Variants in DHODH observed in about 807,000 individuals in gnomAD.
DHODH encodes the protein dihydroorotate dehydrogenase (quinone), mitochondrial.
In DHODH, 30 loss-of-function variants were observed where a neutral mutation model predicts 39.7. That is an observed-to-expected ratio of 0.76 (90% CI 0.57 to 1.02). The LOEUF (loss-of-function observed/expected upper bound fraction) is 1.02, where lower values mean the gene tolerates loss of function less well. Among genes scored for constraint, DHODH ranks in the 50% least tolerant of loss-of-function variants. The pLI is 0.00. For synonymous variants in DHODH, 222 were observed against 213.8 expected, an observed-to-expected ratio of 1.04 and a Z score of -0.34; for missense variants, 531 against 520.8, an observed-to-expected ratio of 1.02 and a Z score of -0.19.
intron 7 of DHODH, 66 bp downstream of exon 7, chr16:72,023,384 A>C: frequency 6.2e-7 from 1 of 1,613,758 alleles, no homozygotes; most frequent in Non-Finnish European, 8.5e-7. Context: ...CGTGATGGGA[A>C]TCATCATTCC....
chr16:72,009,098 G>C, intron 1 of DHODH: 2 of 1,318,768 alleles, frequency 1.5e-6, no homozygotes, highest in Non-Finnish European at 1.9e-6. Flanking sequence ...TTGTGTGCCG[G>C]ATCCAACGGG....
intron 6 of DHODH, 126 bp downstream of exon 6, chr16:72,022,601 T>C (rs1369338721): frequency 1.5e-5 from 12 of 800,570 alleles, no homozygotes; most frequent in Non-Finnish European, 2.1e-6. Flanking sequence ...GCTGGTTTGG[T>C]GTGTGTCATG....
At chr16:72,021,938 C>G (rs143237381) in intron 5 of DHODH, among the ~76,000 whole-genome samples, 2 of 152,060 alleles carry the variant, frequency 1.3e-5, no homozygotes, top group Admixed American at 6.5e-5. Flanking sequence ...ACAAGAAATA[C>G]AGAAATTAGC....
chr16:72,011,419 G>C (rs1356233897), intron 1 of DHODH, among the ~76,000 whole-genome samples: 1 of 152,184 alleles, frequency 6.6e-6, no homozygotes, highest in African/African-American at 2.4e-5. Flanking sequence ...CAGGAGTACT[G>C]CTTGAGCCTA....
At chr16:72,010,516 A>G (rs1425048568) in intron 1 of DHODH, among the ~76,000 whole-genome samples, 2 of 152,158 alleles carry the variant, frequency 1.3e-5, no homozygotes, top group Admixed American at 6.5e-5. Context: ...GTCGCTTCAT[A>G]AGATCACACT....
At chr16:72,011,946 C>T (rs2041085878) in intron 1 of DHODH, 104 bp from the exon 2 acceptor site, 1 of 888,940 alleles carries the variant, frequency 1.1e-6, no homozygotes. Context: ...GCGTCTGTTT[C>T]ATGTGACCTG....
chr16:72,015,395 TAGTA>T (rs2041131594), intron 3 of DHODH, among the ~76,000 whole-genome samples: 1 of 152,222 alleles, frequency 6.6e-6, no homozygotes, highest in Non-Finnish European at 1.5e-5. Context: ...CAGCTGCTCT[TAGTA>T]AGAGAAATCC....
chr16:72,015,619 T>C lies in DHODH; in HGVS notation c.434+947T>C, dbSNP rs151118814. ...CTTGGCCGTGCTTCCTGCTTTCTTGTGCTTGTTTCAGGGAAATTCTCCAGC... is the reference window on the plus strand; with the variant it reads ...CTTGGCCGTGCTTCCTGCTTTCTTGCGCTTGTTTCAGGGAAATTCTCCAGC... On this transcript the variant is annotated intron_variant, in intron 3 of 8. Transcript: ENST00000219240. 74 of 915,728 alleles carry C rather than the reference T, an allele frequency of 8.1e-5. No individual in the cohort carries two copies. The African/African-American group carries it at 1.3e-3, about 16-fold the overall frequency. 56.7% of individuals were successfully genotyped at this position (915,728 alleles called of 1,614,324 possible).
At chr16:72,020,995 G>T in intron 4 of DHODH, 129 bp from the exon 5 acceptor site, 1 of 930,172 alleles carries the variant, frequency 1.1e-6, no homozygotes, top group Non-Finnish European at 1.6e-6. Context: ...CTGTCAGCCG[G>T]TGTCGGGCAG....
intron 4 of DHODH, among the ~76,000 whole-genome samples, chr16:72,020,770 G>C (rs923131912): frequency 2.0e-5 from 3 of 152,272 alleles, no homozygotes; most frequent in Admixed American, 1.3e-4. Context: ...GGCCTGATGT[G>C]CCTACTGAGT....
At chr16:72,014,332 T>G in intron 2 of DHODH, 141 bp from the exon 3 acceptor site, 2 of 774,710 alleles carry the variant, frequency 2.6e-6, no homozygotes, top group East Asian at 2.6e-5. Flanking sequence ...CCCCCAAAGA[T>G]TTTGACCTTG....
intron 6 of DHODH, among the ~76,000 whole-genome samples, 194 bp downstream of exon 6, chr16:72,022,669 T>C (rs1281714996): frequency 6.6e-6 from 1 of 152,242 alleles, no homozygotes; most frequent in Non-Finnish European, 1.5e-5. Flanking sequence ...AAGGAGTTTT[T>C]CTAATGCCTC....
intron 1 of DHODH, 59 bp downstream of exon 1, chr16:72,008,844 G>C: frequency 1.0e-5 from 16 of 1,551,858 alleles, no homozygotes; most frequent in South Asian, 1.2e-5. Flanking sequence ...GGGCGAGAAC[G>C]GAGAGTCAGG....
At chr16:72,014,716 G>A (rs758638400) in intron 3 of DHODH, 44 bp downstream of exon 3, 2 of 1,589,096 alleles carry the variant, frequency 1.3e-6, no homozygotes, top group Non-Finnish European at 8.6e-7. Flanking sequence ...CCTCTTTCCA[G>A]CTGGGGGCGT....
intron 3 of DHODH, 47 bp from the exon 4 acceptor site, chr16:72,016,977 T>A: frequency 6.5e-7 from 1 of 1,544,836 alleles, no homozygotes; most frequent in Non-Finnish European, 9.0e-7. Context: ...GGGAAGTGGC[T>A]ATGGTGCCGT....
intron 1 of DHODH, 133 bp from the exon 2 acceptor site, chr16:72,011,917 T>C: frequency 1.5e-6 from 1 of 677,554 alleles, no homozygotes; most frequent in East Asian, 2.7e-5. Flanking sequence ...TAGAGACCAG[T>C]GTCAGCGGAA....
chr16:72,023,614 G>A lies in DHODH; in HGVS notation c.1114G>A (p.Glu372Lys). Residue 372 changes from glutamate to lysine, a missense_variant, in exon 8 of 9, where the codon GAA becomes AAA. Glu to Lys is a moderately conservative substitution (Grantham distance 56). Transcript: ENST00000219240. ...GPPVVGKVKRELEALLKEQGF... is the reference protein window; with the variant it reads ...GPPVVGKVKRKLEALLKEQGF... ...ACCCGTTGTGGGCAAAGTCAAGCGG[G>A]AACTGGAGGCCCTTCTGAAGTGAGT... 1.9e-6 allele frequency: 3 copies of A among 1,614,030 alleles called. No homozygotes were observed. The highest frequency in any genetic ancestry group is 2.5e-6 in the Non-Finnish European group (3 of 1,180,034).
chr16:72,014,734 T>C, intron 3 of DHODH, 62 bp downstream of exon 3: 1 of 1,501,522 alleles, frequency 6.7e-7, no homozygotes, highest in South Asian at 1.1e-5. Context: ...CGTTCAGAGA[T>C]ATAAGATCTG....
At position 72,027,249 on chromosome 16, in the gene DHODH, G is replaced by A. The variant is rs1010621872; in HGVS notation, c.*3050G>A. The A allele has an allele frequency of 6.6e-6, 1 of 152,264 alleles. No homozygotes were observed. The highest frequency in any genetic ancestry group is 1.5e-5 in the Non-Finnish European group (1 of 68,164). The allele number at this position is 152,264 out of a possible 1,614,324, so 9.4% of individuals were successfully genotyped here. Reference sequence around the variant, plus strand: ...CTGACCTCATGATCTGGCCGCCTCAGTCTCCCAAAGTGCTGAGATTACAGG... The same window carrying A: ...CTGACCTCATGATCTGGCCGCCTCAATCTCCCAAAGTGCTGAGATTACAGG... On this transcript the variant is annotated 3_prime_UTR_variant, in exon 9 of 9. Coordinates refer to ENST00000219240, the MANE Select transcript of DHODH (RefSeq NM_001361.5).
Sources: allele counts gnomAD v4.1 joint callset (sites outside exome capture counted in the v4.1 genomes callset), GRCh38; gene constraint gnomAD v4.1.1; transcripts MANE v1.5; gene names NCBI Gene and HGNC (gene_info 2026-07-23, HGNC 2026-07-21).